The following KCNG3 variants were observed in gnomAD, a reference collection of about 807,000 sequenced individuals.
KCNG3 encodes the protein potassium voltage-gated channel modifier subfamily G member 3.
KCNG3 carries 15 observed loss-of-function variants against 29.0 expected under a neutral mutation model. The observed-to-expected ratio is 0.52, with a 90% CI of 0.35 to 0.80. The LOEUF (loss-of-function observed/expected upper bound fraction) is 0.80, where lower values mean the gene tolerates loss of function less well. Among genes scored for constraint, KCNG3 ranks in the 30% least tolerant of loss-of-function variants. The pLI is 0.01. For missense variants in KCNG3, 512 were observed against 605.7 expected, an observed-to-expected ratio of 0.85 and a Z score of 1.62; for synonymous variants, 322 against 248.9, an observed-to-expected ratio of 1.29 and a Z score of -2.76.
At chr2:42,488,180 T>C (rs1255840854) in intron 1 of KCNG3, among the ~76,000 whole-genome samples, 2 of 152,178 alleles carry the variant, frequency 1.3e-5, no homozygotes, top group Non-Finnish European at 2.9e-5. Flanking sequence ...TTATTAACCA[T>C]CTAAAACAAA....
chr2:42,467,631 G>A (rs1673173383), intron 1 of KCNG3, among the ~76,000 whole-genome samples: 1 of 150,288 alleles, frequency 6.7e-6, no homozygotes, highest in South Asian at 2.1e-4. Context: ...TCATGCCACT[G>A]CACTCCAGCC....
chr2:42,460,005 T>TGGGGAAACCAGATGAA (rs1672976562), intron 1 of KCNG3, among the ~76,000 whole-genome samples: 2 of 150,820 alleles, frequency 1.3e-5, no homozygotes, highest in South Asian at 2.1e-4. Context: ...ATGTTATCAT[T>TGGGGAAACCAGATGAA]GGGGAAACCA....
chr2:42,478,587 G>A (rs1245898968), intron 1 of KCNG3, among the ~76,000 whole-genome samples: 4 of 152,042 alleles, frequency 2.6e-5, no homozygotes, highest in Non-Finnish European at 4.4e-5. Flanking sequence ...CATGGTAGTG[G>A]AGGATATAAA....
At chr2:42,416,816 C>A in the KCNG3 span, among the ~76,000 whole-genome samples, 3 of 142,368 alleles carry the variant, frequency 2.1e-5, no homozygotes, top group African/African-American at 5.2e-5. Context: ...AGTCCCCTGT[C>A]TCAAAAAAAA....
At chr2:42,421,404 C>T in the KCNG3 span, among the ~76,000 whole-genome samples, 5 of 152,116 alleles carry the variant, frequency 3.3e-5, no homozygotes, top group South Asian at 2.1e-4. Context: ...AAGAAAGGAA[C>T]GTTTAAACTA....
chr2:42,480,708 T>C (rs895417639), intron 1 of KCNG3, among the ~76,000 whole-genome samples: 1 of 150,512 alleles, frequency 6.6e-6, no homozygotes, highest in African/African-American at 2.5e-5. Flanking sequence ...AGGAAGAGCC[T>C]TTCAGCTCGA....
chr2:42,487,912 A>G (rs1673768691), intron 1 of KCNG3, among the ~76,000 whole-genome samples: 1 of 152,224 alleles, frequency 6.6e-6, no homozygotes, highest in South Asian at 2.1e-4. Flanking sequence ...CTGCAGAATC[A>G]GGGAGCTCTT....
At chr2:42,389,712 T>G in the KCNG3 span, among the ~76,000 whole-genome samples, 1 of 152,244 alleles carries the variant, frequency 6.6e-6, no homozygotes, top group African/African-American at 2.4e-5. Context: ...AATTGGTATG[T>G]CATAATTAAC....
At chr2:42,420,210 G>A in the KCNG3 span, among the ~76,000 whole-genome samples, 1 of 152,004 alleles carries the variant, frequency 6.6e-6, no homozygotes, top group African/African-American at 2.4e-5. Context: ...GGTGACGAGT[G>A]AAAAGAGCGA....
chr2:42,437,365 G>C (rs1483671623), downstream of KCNG3, among the ~76,000 whole-genome samples: 1 of 152,090 alleles, frequency 6.6e-6, no homozygotes, highest in African/African-American at 2.4e-5. Flanking sequence ...TATGTGATTT[G>C]TATTATTCTT....
chr2:42,409,781 T>C, the KCNG3 span, among the ~76,000 whole-genome samples: 1 of 151,284 alleles, frequency 6.6e-6, no homozygotes, highest in Non-Finnish European at 1.5e-5. Context: ...CCTGTCTCCT[T>C]AAACCCAATG....
the KCNG3 span, among the ~76,000 whole-genome samples, chr2:42,421,216 A>G: frequency 6.6e-6 from 1 of 152,256 alleles, no homozygotes; most frequent in African/African-American, 2.4e-5. Context: ...ACATTTACTG[A>G]GCAACAATTA....
At chr2:42,393,512 G>A in the KCNG3 span, among the ~76,000 whole-genome samples, 1 of 152,040 alleles carries the variant, frequency 6.6e-6, no homozygotes, top group East Asian at 1.9e-4. Context: ...AGTGAGCTGA[G>A]ATTGCACCAC....
At chr2:42,392,467 C>A in the KCNG3 span, among the ~76,000 whole-genome samples, 10 of 152,178 alleles carry the variant, frequency 6.6e-5, no homozygotes, top group East Asian at 1.9e-3. Context: ...GTGGTGGTAG[C>A]AGATTCAGGG....
At chr2:42,394,934 T>C in the KCNG3 span, among the ~76,000 whole-genome samples, 1 of 152,194 alleles carries the variant, frequency 6.6e-6, no homozygotes, top group Non-Finnish European at 1.5e-5. Flanking sequence ...CAAATTCTCC[T>C]TGGTGTAGTA....
chr2:42,484,299 T>C (rs1168764829), intron 1 of KCNG3, among the ~76,000 whole-genome samples: 1 of 151,868 alleles, frequency 6.6e-6, no homozygotes, highest in Non-Finnish European at 1.5e-5. Context: ...CCATCTCTAT[T>C]AAAAATACAA....
At position 42,493,468 on chromosome 2, in the gene KCNG3, C is replaced by G. The variant is rs1433994545; in HGVS notation, c.34G>C (p.Val12Leu). 1 of 1,440,742 alleles carries G rather than the reference C, an allele frequency of 6.9e-7. No homozygotes were observed. Among genetic ancestry groups the G allele is most frequent in the Non-Finnish European group, 9.0e-7 (1 of 1,105,586 alleles). 89.2% of individuals were successfully genotyped at this position (1,440,742 alleles called of 1,614,324 possible). ...TFGRSGAASVVLNVGGARYSL... is the reference protein window; with the variant it reads ...TFGRSGAASVLLNVGGARYSL... ...TACCGGGCGCCGCCCACGTTCAGCA[C>G]CACCGAGGCCGCCCCGCTGCGCCCG... Residue 12 changes from valine (V) to leucine (L), a missense_variant, in exon 1 of 2, where the codon GTG becomes CTG. Physicochemically the swap from Val to Leu is conservative, Grantham distance 32. This residue lies in a region of KCNG3 where 18 missense variants were observed against 36.1 expected (regional missense o/e 0.50). Transcript: ENST00000306078.
At chr2:42,455,778 A>T (rs951432708) in intron 1 of KCNG3, among the ~76,000 whole-genome samples, 2 of 151,908 alleles carry the variant, frequency 1.3e-5, no homozygotes, top group Admixed American at 6.6e-5. Flanking sequence ...CTTAAAAAAA[A>T]TAAAAATTAA....
the KCNG3 span, among the ~76,000 whole-genome samples, chr2:42,393,646 C>G: frequency 6.6e-6 from 1 of 152,196 alleles, no homozygotes; most frequent in African/African-American, 2.4e-5. Context: ...AGACTCCTAT[C>G]TTTCTGTTGC....
Sources: gnomAD v4.1 joint callset for allele counts (sites outside exome capture counted in the v4.1 genomes callset) on GRCh38, gnomAD v4.1.1 for gene constraint, gnomAD v4.1.1 regional missense constraint, MANE v1.5 for transcripts, NCBI Gene and HGNC (gene_info 2026-07-23, HGNC 2026-07-21) for gene names.